Variants in ANO7 observed in about 807,000 individuals in gnomAD.
ANO7 encodes the protein anoctamin-7.
A neutral mutation model predicts 115.8 loss-of-function variants in ANO7; 114 were observed. That is an observed-to-expected ratio of 0.98 (90% CI 0.85 to 1.15). The LOEUF is 1.15. Among genes scored for constraint, ANO7 ranks in the 50% most tolerant of loss-of-function variants. The pLI is 0.00. For missense variants in ANO7, 1,302 were observed against 1,201.2 expected, an observed-to-expected ratio of 1.08 and a Z score of -1.24; for synonymous variants, 550 against 498.2, an observed-to-expected ratio of 1.10 and a Z score of -1.38.
At chr2:241,213,660 C>T (rs1388269374) in intron 17 of ANO7, among the ~76,000 whole-genome samples, 4 of 152,238 alleles carry the variant, frequency 2.6e-5, no homozygotes. Context: ...TCGCAGGCAG[C>T]AGGGTGGGTG....
intron 18 of ANO7, 121 bp from the exon 19 acceptor site, chr2:241,215,972 C>G (rs2068819846): frequency 1.6e-6 from 2 of 1,280,384 alleles, no homozygotes; most frequent in South Asian, 2.9e-5. Context: ...CCCCATCCCT[C>G]CCTGCTGCCC....
At chr2:241,236,562 T>A in the ANO7 span, 2 of 1,587,562 alleles carry the variant, frequency 1.3e-6, no homozygotes, top group South Asian at 2.3e-5. Context: ...TCTCCCCAGG[T>A]GCCTGCTGAC....
intron 4 of ANO7, among the ~76,000 whole-genome samples, chr2:241,198,378 G>T (rs1170419575): frequency 6.6e-6 from 1 of 152,228 alleles, no homozygotes; most frequent in Non-Finnish European, 1.5e-5. Context: ...GGAGGTGAAA[G>T]ACACCTGCTT....
chr2:241,211,421 C>A (rs116491769), intron 15 of ANO7, among the ~76,000 whole-genome samples: 574 of 152,352 alleles, frequency 3.8e-3, no homozygotes, highest in African/African-American at 0.013. Flanking sequence ...CCTGCTCTAG[C>A]CCTGGGGGTG....
At chr2:241,190,897 T>A (rs1158381388) in intron 2 of ANO7, among the ~76,000 whole-genome samples, 1 of 152,128 alleles carries the variant, frequency 6.6e-6, no homozygotes, top group Non-Finnish European at 1.5e-5. Context: ...AACCTGACCC[T>A]TGCCATGGGC....
chr2:241,237,268 T>C, the ANO7 span, among the ~76,000 whole-genome samples: 2 of 152,028 alleles, frequency 1.3e-5, 1 homozygote, highest in South Asian at 4.2e-4. Flanking sequence ...AAGGCCAAGG[T>C]AAACCTGTGC....
intron 3 of ANO7, among the ~76,000 whole-genome samples, chr2:241,192,830 C>T (rs1285433398): frequency 6.6e-6 from 1 of 151,206 alleles, no homozygotes; most frequent in Non-Finnish European, 1.5e-5. Flanking sequence ...CACAAAAGGA[C>T]AAATGTGATT....
At position 241,223,714 on chromosome 2, in the gene ANO7, C is replaced by G. The variant is rs376890842; in HGVS notation, c.2465C>G (p.Pro822Arg). Residue 822 changes from proline to arginine, a missense_variant, in exon 23 of 25, where the codon CCA (proline) becomes CGA (arginine). Transcript: ENST00000674324. ...CTGGACCTCCTGGTGCCTGACATCC[C>G]AGAGTCTGTGGAGATCAAAGTGAAG... ...RLLDLLVPDIPESVEIKVKRE... is the reference protein window; with the variant it reads ...RLLDLLVPDIRESVEIKVKRE... 2 of 1,614,132 alleles carry G rather than the reference C, an allele frequency of 1.2e-6. No individual in the cohort carries two copies. Among genetic ancestry groups the G allele is most frequent in the East Asian group, 2.2e-5 (1 of 44,878 alleles).
intron 17 of ANO7, chr2:241,212,837 A>T: frequency 1.8e-6 from 1 of 558,412 alleles, no homozygotes; most frequent in Non-Finnish European, 3.2e-6. Flanking sequence ...TCAGAACCAC[A>T]CCAAAACACT....
At chr2:241,234,259 G>A in the ANO7 span, among the ~76,000 whole-genome samples, 4 of 152,186 alleles carry the variant, frequency 2.6e-5, no homozygotes, top group Non-Finnish European at 4.4e-5. Flanking sequence ...AGTGAGTCAC[G>A]AGCTTGGGGC....
chr2:241,240,140 A>G, the ANO7 span: 2 of 1,612,784 alleles, frequency 1.2e-6, no homozygotes, highest in Non-Finnish European at 1.7e-6. This position sits in a 1 kb window ranked among gnomAD's most constrained non-coding sequence, Gnocchi z 5.5. Flanking sequence ...AACCAATCCC[A>G]CTGTGTTAGC....
chr2:241,238,406 TGGG>T, the ANO7 span: 1 of 347,082 alleles, frequency 2.9e-6, no homozygotes, highest in Admixed American at 4.7e-5. This position sits in a 1 kb window ranked among gnomAD's most constrained non-coding sequence, Gnocchi z 4.9. Context: ...CTCATCGCCT[TGGG>T]ACTGGCTACC....
downstream of ANO7, chr2:241,228,660 A>C (rs1237455731): frequency 6.6e-6 from 1 of 152,648 alleles, no homozygotes; most frequent in Non-Finnish European, 1.5e-5. Flanking sequence ...GGTGGCACTA[A>C]CTGCACAGAG....
intron 16 of ANO7, 90 bp from the exon 17 acceptor site, chr2:241,212,482 C>G (rs2068738626): frequency 1.4e-6 from 2 of 1,381,350 alleles, no homozygotes; most frequent in South Asian, 2.5e-5. Context: ...AGGGCAGGTG[C>G]AGCAGCTCTG....
At chr2:241,191,289 G>GC (rs1371840907) in intron 3 of ANO7, 38 bp downstream of exon 3, 10 of 1,610,362 alleles carry the variant, frequency 6.2e-6, no homozygotes, top group Non-Finnish European at 8.5e-6. Flanking sequence ...ACCCGTGTTG[G>GC]TCCTGAGGGT....
intron 3 of ANO7, among the ~76,000 whole-genome samples, chr2:241,194,543 C>T (rs1027338059): frequency 6.6e-6 from 1 of 152,066 alleles, no homozygotes; most frequent in Non-Finnish European, 1.5e-5. Flanking sequence ...TGGTCTTGAT[C>T]TCCTGACCTC....
downstream of ANO7, among the ~76,000 whole-genome samples, chr2:241,226,429 ATT>A (rs560568437): frequency 7.0e-6 from 1 of 143,320 alleles, no homozygotes; most frequent in African/African-American, 2.6e-5. Context: ...CATGTTCGGC[ATT>A]TTTTTTTTTT....
At chr2:241,229,814 G>T (rs1387673694), downstream of ANO7, 1 of 1,564,270 alleles carries the variant, frequency 6.4e-7, no homozygotes, top group Non-Finnish European at 8.7e-7. Flanking sequence ...ACCCAGGAGG[G>T]CAGAAGCCCG....
chr2:241,221,018 C>G (rs759054433), intron 21 of ANO7, among the ~76,000 whole-genome samples: 1 of 151,756 alleles, frequency 6.6e-6, no homozygotes, highest in Non-Finnish European at 1.5e-5. Flanking sequence ...TTACAGATGC[C>G]TGCTGGTGAA....
Sources: gnomAD v4.1 joint callset for allele counts (sites outside exome capture counted in the v4.1 genomes callset) on GRCh38, gnomAD v4.1.1 for gene constraint, Gnocchi (gnomAD v3.1) non-coding constraint, MANE v1.5 for transcripts, NCBI Gene and HGNC (gene_info 2026-07-23, HGNC 2026-07-21) for gene names.